Variants in CD164 observed in about 807,000 individuals in gnomAD.
CD164 encodes the protein sialomucin core protein 24.
Under a neutral mutation model 24.6 loss-of-function variants are expected in CD164, and 11 were observed. The observed-to-expected ratio is 0.45, with a 90% CI of 0.28 to 0.74. The LOEUF is 0.74. CD164 is among the 30% of genes least tolerant of loss of function. The pLI is 0.13. For missense variants in CD164, 295 were observed against 243.7 expected (o/e 1.21, Z -1.40); for synonymous variants, 126 against 100.3 (o/e 1.26, Z -1.53).
intron 4 of CD164, chr6:109,370,908 T>C (rs1771041165): frequency 6.2e-6 from 1 of 162,320 alleles, no homozygotes; most frequent in Non-Finnish European, 1.3e-5. Context: ...GGCAAACTTT[T>C]CTTAAATGGG....
intron 3 of CD164, among the ~76,000 whole-genome samples, chr6:109,377,677 C>T (rs994687403): frequency 4.0e-5 from 6 of 149,944 alleles, no homozygotes; most frequent in East Asian, 3.9e-4. Context: ...GGGCAGACAA[C>T]GCATCCACAC....
intron 2 of CD164, 61 bp downstream of exon 2, chr6:109,379,518 A>G: frequency 8.1e-7 from 1 of 1,235,006 alleles, no homozygotes; most frequent in South Asian, 1.3e-5. Context: ...TCAAGTGTTC[A>G]AGAATTACTG....
In CD164 at chr6:109,382,424, G is replaced by A. The variant is rs763657345; in HGVS notation, c.-46C>T. ...TCGGGAGAAAGCTAAGGCTCGCAAC[G>A]CTCAGTCAACCCCTCAATCCCCTGC... On this transcript the variant is annotated 5_prime_UTR_variant, in exon 1 of 6. Transcript: ENST00000310786. 29 of 1,460,140 alleles carry A rather than the reference G, an allele frequency of 2.0e-5. No individual in the cohort carries two copies. Among genetic ancestry groups the A allele is most frequent in the East Asian group, 2.8e-5 (1 of 36,044 alleles). 90.4% of individuals were successfully genotyped at this position (1,460,140 alleles called of 1,614,324 possible).
chr6:109,378,060 A>G, intron 2 of CD164, 89 bp from the exon 3 acceptor site: 1 of 1,130,358 alleles, frequency 8.8e-7, no homozygotes, highest in Non-Finnish European at 1.3e-6. Flanking sequence ...ATGAAATCAA[A>G]CCCAAACACT....
chr6:109,377,945 T>C lies in CD164; in HGVS notation c.286A>G (p.Thr96Ala), dbSNP rs745909701. ...TTCCCCACTTGACAATCACTAACTG[T>C]TGAGTTATGTGAACAATAGCTCTCA... ...KDESYCSHNS[T>A]VSDCQVGNTT... Residue 96 changes from threonine (T) to alanine (A), a missense_variant, in exon 3 of 6, where the codon ACA becomes GCA. Coordinates refer to ENST00000310786, the MANE Select transcript of CD164 (RefSeq NM_006016.6). 3.7e-6 allele frequency: 6 copies of C among 1,613,720 alleles called. No homozygotes were observed. The African/African-American group carries it at 4.0e-5, about 11-fold the overall frequency.
rs1223665696 is a variant in CD164 at position 109,377,966 on chromosome 6, T to G, written c.265A>C (p.Ser89Arg). Residue 89 changes from serine (S) to arginine (R), a missense_variant, in exon 3 of 6, where the codon AGC becomes CGC. Coordinates refer to ENST00000310786, the MANE Select transcript of CD164 (RefSeq NM_006016.6). ...ACTGTTGAGTTATGTGAACAATAGC[T>G]CTCATCTGTTGGGGGGCAGGGGAAA... ...TCFWIECKDE[S>R]YCSHNSTVSD... 1.2e-6 allele frequency: 2 copies of G among 1,612,796 alleles called. No individual in the cohort carries two copies. The highest frequency in any genetic ancestry group is 1.7e-6 in the Non-Finnish European group (2 of 1,179,340).
At position 109,382,459 on chromosome 6, in the gene CD164, TC is replaced by T; in HGVS notation, c.-82del. 7.6e-7 allele frequency: 1 copy of T among 1,316,406 alleles called. No homozygotes were observed. Among genetic ancestry groups the T allele is most frequent in the Non-Finnish European group, 9.9e-7 (1 of 1,006,718 alleles). 81.5% of individuals were successfully genotyped at this position (1,316,406 alleles called of 1,614,324 possible). The stretch of plus-strand genomic sequence containing the variant: ...CCCCTCAATCCCCTGCGGCGCCGCC[TC>T]CGAGACTACGCTCCCCCGCGGGAGC... On this transcript the variant is annotated 5_prime_UTR_variant, in exon 1 of 6. Coordinates refer to ENST00000310786, the MANE Select transcript of CD164 (RefSeq NM_006016.6).
Position 109,382,361 on chromosome 6 carries a change from G to C in CD164, c.18C>G (p.Arg6=). The change falls in exon 1 of 6, where the codon CGC becomes CGG. Residue 6 remains arginine, a synonymous_variant. Transcript: ENST00000310786. MSRLS[R]SLLWAATCLG... is the part of the protein sequence containing the mutation. ...GGCAGGTGGCGGCCCAAAGCAGTGA[G>C]CGGGAGAGCCGCGACATCGTGTCCT... 6.4e-7 allele frequency: 1 copy of C among 1,552,062 alleles called. No individual in the cohort carries two copies. The highest frequency in any genetic ancestry group is 8.7e-7 in the Non-Finnish European group (1 of 1,154,822).
chr6:109,376,909 GA>G, intron 3 of CD164, among the ~76,000 whole-genome samples: 1 of 152,328 alleles, frequency 6.6e-6, no homozygotes, highest in East Asian at 1.9e-4. Flanking sequence ...GCCAAAGTGG[GA>G]AGACTGCTTA....
intron 4 of CD164, among the ~76,000 whole-genome samples, chr6:109,375,025 A>G (rs1271041780): frequency 6.6e-6 from 1 of 152,222 alleles, no homozygotes; most frequent in Non-Finnish European, 1.5e-5. Context: ...TAAAATGTTA[A>G]GTATTTAATA....
intron 1 of CD164, chr6:109,381,963 G>A (rs900733977): frequency 1.6e-5 from 6 of 380,670 alleles, no homozygotes; most frequent in Non-Finnish European, 2.8e-5. Context: ...CACTTCGAGG[G>A]GGGCCCCAGC....
Position 109,368,551 on chromosome 6 carries a change from T to C in CD164, c.*300A>G, listed in dbSNP as rs574444577. The C allele has an allele frequency of 3.3e-5, 44 of 1,332,680 alleles. No homozygotes were observed. The African/African-American group carries it at 6.2e-4, about 19-fold the overall frequency. 82.6% of individuals were successfully genotyped at this position (1,332,680 alleles called of 1,614,324 possible). ...TGTCTGCACAAGACAACATTTTCCA[T>C]CACTTTCAGAAAGTTATATTTGGCA... On this transcript the variant is annotated 3_prime_UTR_variant, in exon 6 of 6. Transcript: ENST00000310786.
At chr6:109,369,447 ATAATCT>A (rs1422262786) in intron 5 of CD164, among the ~76,000 whole-genome samples, 1 of 152,218 alleles carries the variant, frequency 6.6e-6, no homozygotes, top group African/African-American at 2.4e-5. Flanking sequence ...TGTTACAAAA[ATAATCT>A]TAATAATATG....
chr6:109,371,255 CTTTTT>C (rs931343298), intron 4 of CD164: 2 of 146,576 alleles, frequency 1.4e-5, no homozygotes, highest in East Asian at 4.0e-4. Context: ...CTAAAGCACT[CTTTTT>C]TTTTTTTTGA....
chr6:109,368,179 C>A lies in CD164; in HGVS notation c.*672G>T. 2.7e-6 allele frequency: 3 copies of A among 1,113,524 alleles called. No homozygotes were observed. The highest frequency in any genetic ancestry group is 3.8e-6 in the Non-Finnish European group (3 of 796,510). 69.0% of individuals were successfully genotyped at this position (1,113,524 alleles called of 1,614,324 possible). A position where few individuals can be genotyped will look rare whatever the true frequency, so the allele number is the denominator to read the frequency against. On this transcript the variant is annotated 3_prime_UTR_variant, in exon 6 of 6. Coordinates refer to ENST00000310786, the MANE Select transcript of CD164 (RefSeq NM_006016.6). The stretch of plus-strand genomic sequence containing the variant: ...TCATAGACATTAAGCTAGAGCTTAC[C>A]TTTCACTGTCTTCTAAGGCACTGTT...
At position 109,379,651 on chromosome 6, in the gene CD164, C is replaced by A. The variant is rs1449931459; in HGVS notation, c.187G>T (p.Gly63Cys). ...AAACAGGAAACGCAGCTGTTTCGACCTTCACAGGTTTCTGGGGAGTTGGGG... is the reference window on the plus strand; with the variant it reads ...AAACAGGAAACGCAGCTGTTTCGACATTCACAGGTTTCTGGGGAGTTGGGG... The part of the protein sequence containing the change: ...VTTPAPETCE[G>C]RNSCVSCFNV... The change falls in exon 2 of 6, where the codon GGT becomes TGT. Residue 63 changes from glycine (G) to cysteine (C), a missense_variant. Coordinates refer to ENST00000310786, the MANE Select transcript of CD164 (RefSeq NM_006016.6). 1 of 1,612,886 alleles carries A rather than the reference C, an allele frequency of 6.2e-7. No homozygotes were observed. The highest frequency in any genetic ancestry group is 8.5e-7 in the Non-Finnish European group (1 of 1,179,524).
At position 109,367,340 on chromosome 6, in the gene CD164, G is replaced by C. The variant is rs972491174; in HGVS notation, c.*1511C>G. ...GAGTTTGTTTATGAAATGAAACAAA[G>C]CAGTTTGTCATTTCTTACTATAAAA... On this transcript the variant is annotated 3_prime_UTR_variant, in exon 6 of 6. Coordinates refer to ENST00000310786, the MANE Select transcript of CD164 (RefSeq NM_006016.6). 1 of 152,458 alleles carries C rather than the reference G, an allele frequency of 6.6e-6. No homozygotes were observed. The highest frequency in any genetic ancestry group is 1.5e-5 in the Non-Finnish European group (1 of 67,968). 9.4% of individuals were successfully genotyped at this position (152,458 alleles called of 1,614,324 possible).
At chr6:109,381,785 A>C (rs1392804114) in intron 1 of CD164, 1 of 569,100 alleles carries the variant, frequency 1.8e-6, no homozygotes, top group Admixed American at 3.2e-5. Flanking sequence ...GTGAACAACC[A>C]GTGGCAGGGA....
At chr6:109,374,948 C>T (rs1055918872) in intron 4 of CD164, among the ~76,000 whole-genome samples, 115 of 152,302 alleles carry the variant, frequency 7.6e-4, no homozygotes, top group African/African-American at 2.6e-3. Context: ...CTACAGTAGA[C>T]AAAATGCTGG....
Sources: allele counts gnomAD v4.1 joint callset (sites outside exome capture counted in the v4.1 genomes callset), GRCh38; gene constraint gnomAD v4.1.1; transcripts MANE v1.5; gene names NCBI Gene and HGNC (gene_info 2026-07-23, HGNC 2026-07-21).